The following TMEM178B variants were observed in gnomAD, a reference collection of about 807,000 sequenced individuals.
TMEM178B encodes transmembrane protein 178B.
A neutral mutation model predicts 31.0 loss-of-function variants in TMEM178B; 5 were observed. That is an observed-to-expected ratio of 0.16 (90% CI 0.08 to 0.34). The LOEUF (loss-of-function observed/expected upper bound fraction) is 0.34, where lower values mean the gene tolerates loss of function less well. Ranked by LOEUF, TMEM178B falls within the 10% of genes least tolerant of loss-of-function variation. The probability of loss-of-function intolerance (pLI) is 1.00; values close to 1 mark genes in which losing one functional copy is unlikely to be tolerated. For synonymous variants in TMEM178B, 164 were observed against 164.0 expected, an observed-to-expected ratio of 1.00 and a Z score of 0.00; for missense variants, 275 against 400.3, an observed-to-expected ratio of 0.69 and a Z score of 2.67.
intron 2 of TMEM178B, among the ~76,000 whole-genome samples, chr7:141,247,229 A>C (rs375144994): frequency 2.0e-5 from 3 of 147,676 alleles, no homozygotes; most frequent in Non-Finnish European, 3.0e-5. Flanking sequence ...ACACACACAC[A>C]ATTCAAATCA....
At chr7:141,468,676 C>T (rs776084656) in intron 3 of TMEM178B, among the ~76,000 whole-genome samples, 6 of 152,004 alleles carry the variant, frequency 3.9e-5, no homozygotes, top group Non-Finnish European at 7.3e-5. Context: ...GGTAATTATC[C>T]GACATTTGTC....
intron 2 of TMEM178B, among the ~76,000 whole-genome samples, chr7:141,408,366 T>G (rs577642280): frequency 6.6e-6 from 1 of 152,306 alleles, no homozygotes; most frequent in East Asian, 1.9e-4. Context: ...TGCCAAGCAC[T>G]GTATTAGAGT....
At chr7:141,252,158 G>T (rs975560441) in intron 2 of TMEM178B, among the ~76,000 whole-genome samples, 1 of 152,216 alleles carries the variant, frequency 6.6e-6, no homozygotes, top group African/African-American at 2.4e-5. Flanking sequence ...AGAGGGCAGA[G>T]TGTGGACCTA....
intron 1 of TMEM178B, among the ~76,000 whole-genome samples, chr7:141,197,284 C>T (rs911256759): frequency 2.0e-5 from 3 of 152,186 alleles, no homozygotes. Context: ...GAGAGGGCTT[C>T]ATTAATTTGG....
chr7:141,329,309 C>T (rs142572164), intron 2 of TMEM178B, among the ~76,000 whole-genome samples: 114 of 152,060 alleles, frequency 7.5e-4, no homozygotes, highest in African/African-American at 2.6e-3. Context: ...GTCTGGGCAG[C>T]GTCCTGGGCA....
chr7:141,168,372 G>T (rs1270019870), intron 1 of TMEM178B, among the ~76,000 whole-genome samples: 3 of 152,310 alleles, frequency 2.0e-5, no homozygotes, highest in East Asian at 1.9e-4. Context: ...GGGAACCAAG[G>T]CTATTCTGTT....
the TMEM178B span, among the ~76,000 whole-genome samples, chr7:141,498,362 G>A: frequency 6.6e-6 from 1 of 152,224 alleles, no homozygotes; most frequent in Non-Finnish European, 1.5e-5. Context: ...TATGATCAGG[G>A]AAGGAGTGAG....
At chr7:141,196,483 T>C (rs539084404) in intron 1 of TMEM178B, among the ~76,000 whole-genome samples, 3 of 152,322 alleles carry the variant, frequency 2.0e-5, no homozygotes, top group Non-Finnish European at 4.4e-5. Flanking sequence ...CAAGTCTTGA[T>C]ATAATCTGTT....
rs1802390549 is a variant in TMEM178B, at chr7:141,477,306, T to C, written c.*6520T>C. On this transcript the variant is annotated 3_prime_UTR_variant, in exon 4 of 4. Transcript: ENST00000565468. Reference sequence around the variant, plus strand: ...AAACTGAAAATAAAGGGGAGGGAGATTGAGATTAAACAAATGCAATGATGT... The same window carrying C: ...AAACTGAAAATAAAGGGGAGGGAGACTGAGATTAAACAAATGCAATGATGT... 1 of 154,614 alleles carries C rather than the reference T, an allele frequency of 6.5e-6. No individual in the cohort carries two copies. The highest frequency in any genetic ancestry group is 1.5e-5 in the Non-Finnish European group (1 of 68,216). The allele number at this position is 154,614 out of a possible 1,614,324, so 9.6% of individuals were successfully genotyped here. A position where few individuals can be genotyped will look rare whatever the true frequency, so the allele number is the denominator to read the frequency against.
chr7:141,279,970 C>T (rs769823796), intron 2 of TMEM178B, among the ~76,000 whole-genome samples: 5 of 152,372 alleles, frequency 3.3e-5, no homozygotes, highest in Admixed American at 6.5e-5. Context: ...AGAAACCCAG[C>T]TTGGTGAATC....
intron 2 of TMEM178B, among the ~76,000 whole-genome samples, chr7:141,436,730 G>T (rs1439348961): frequency 6.6e-6 from 1 of 152,104 alleles, no homozygotes; most frequent in Non-Finnish European, 1.5e-5. Context: ...GAGCTGGGGA[G>T]GAAGCCAAGC....
At chr7:141,110,911 C>G (rs748123583) in intron 1 of TMEM178B, among the ~76,000 whole-genome samples, 2 of 152,070 alleles carry the variant, frequency 1.3e-5, no homozygotes, top group African/African-American at 4.8e-5. Flanking sequence ...TGTGAACACA[C>G]GGTGAGAAGG....
intron 3 of TMEM178B, among the ~76,000 whole-genome samples, chr7:141,468,389 G>A (rs1216161966): frequency 1.3e-5 from 2 of 152,174 alleles, no homozygotes; most frequent in Non-Finnish European, 2.9e-5. Context: ...ACCTAGGTGT[G>A]AAACAAGGGA....
intron 2 of TMEM178B, among the ~76,000 whole-genome samples, chr7:141,336,942 C>T (rs62642068): frequency 5.1e-5 from 6 of 117,798 alleles, no homozygotes; most frequent in Admixed American, 8.4e-5. Flanking sequence ...ATCACCACCA[C>T]CATCACCACC....
At chr7:141,195,856 CA>C (rs1431219875) in intron 1 of TMEM178B, among the ~76,000 whole-genome samples, 1 of 152,146 alleles carries the variant, frequency 6.6e-6, no homozygotes, top group Non-Finnish European at 1.5e-5. Context: ...GTGGCAGCAG[CA>C]AGAGAAAATG....
intron 1 of TMEM178B, among the ~76,000 whole-genome samples, chr7:141,156,540 A>G (rs765670158): frequency 4.6e-5 from 7 of 152,218 alleles, no homozygotes; most frequent in Non-Finnish European, 1.0e-4. Context: ...TTGAAAGATG[A>G]TGGGGTTAAT....
intron 3 of TMEM178B, among the ~76,000 whole-genome samples, chr7:141,453,360 C>G (rs1801903021): frequency 6.6e-6 from 1 of 152,246 alleles, no homozygotes; most frequent in Non-Finnish European, 1.5e-5. Context: ...AAATTACAGC[C>G]AGTGCCTTTT....
At chr7:141,438,735 G>A (rs1380958676) in intron 3 of TMEM178B, among the ~76,000 whole-genome samples, 1 of 89,916 alleles carries the variant, frequency 1.1e-5, no homozygotes, top group Admixed American at 1.1e-4. Flanking sequence ...AATTAGCCAG[G>A]CATGGTAGCG....
intron 2 of TMEM178B, among the ~76,000 whole-genome samples, chr7:141,216,929 G>A (rs1797162171): frequency 6.6e-6 from 1 of 152,124 alleles, no homozygotes; most frequent in African/African-American, 2.4e-5. Flanking sequence ...AGATCCTCTG[G>A]CTGCCTCCAG....
Sources: allele counts gnomAD v4.1 joint callset (sites outside exome capture counted in the v4.1 genomes callset), GRCh38; gene constraint gnomAD v4.1.1; transcripts MANE v1.5; gene names NCBI Gene and HGNC (gene_info 2026-07-23, HGNC 2026-07-21).